ADGRB3: variants seen among roughly 807,000 people sequenced by gnomAD.
ADGRB3 encodes adhesion G protein-coupled receptor B3, also known as brain-specific angiogenesis inhibitor 3.
Under a neutral mutation model 193.4 loss-of-function variants are expected in ADGRB3, and 37 were observed. That is an observed-to-expected ratio of 0.19 (90% CI 0.15 to 0.25). ADGRB3 has a LOEUF of 0.25. ADGRB3 is among the 10% of genes least tolerant of loss of function. ADGRB3 has a pLI of 1.00. For missense variants in ADGRB3, 1,637 were observed against 1,852.9 expected, an observed-to-expected ratio of 0.88 and a Z score of 2.14; for synonymous variants, 690 against 644.2, an observed-to-expected ratio of 1.07 and a Z score of -1.08.
chr6:68,849,986 T>G (rs1254492383), intron 3 of ADGRB3, among the ~76,000 whole-genome samples: 1 of 151,950 alleles, frequency 6.6e-6, no homozygotes, highest in African/African-American at 2.4e-5. Flanking sequence ...CTGTTTAAAA[T>G]ATGTGTGATA....
chr6:69,085,857 G>C (rs1420709389), intron 17 of ADGRB3, among the ~76,000 whole-genome samples: 4 of 151,202 alleles, frequency 2.6e-5, no homozygotes, highest in Non-Finnish European at 5.9e-5. Context: ...AATGAACATC[G>C]GTAAAGATAA....
At chr6:68,981,580 A>G (rs1208609688) in intron 10 of ADGRB3, among the ~76,000 whole-genome samples, 3 of 151,662 alleles carry the variant, frequency 2.0e-5, no homozygotes, top group Non-Finnish European at 4.4e-5. Context: ...TAAGAACAAG[A>G]TAGTAAATAC....
chr6:68,650,312 A>G (rs2802694), intron 3 of ADGRB3, among the ~76,000 whole-genome samples: 76,909 of 151,840 alleles, frequency 0.51, 19,687 homozygotes, highest in Admixed American at 0.56. Context: ...TAGGCCCTCT[A>G]GGTTTTTTTC....
At chr6:68,647,263 C>G (rs1283375429) in intron 3 of ADGRB3, among the ~76,000 whole-genome samples, 1 of 152,046 alleles carries the variant, frequency 6.6e-6, no homozygotes, top group Non-Finnish European at 1.5e-5. Flanking sequence ...ATTATGTTTA[C>G]ACTTGAAACA....
chr6:69,187,774 C>A (rs1304300558), intron 17 of ADGRB3, among the ~76,000 whole-genome samples: 1 of 152,188 alleles, frequency 6.6e-6, no homozygotes, highest in Admixed American at 6.5e-5. Context: ...TTTGACAGAG[C>A]TGGCTCTTGA....
chr6:69,317,108 T>C (rs1305278862), intron 20 of ADGRB3, among the ~76,000 whole-genome samples: 2 of 151,642 alleles, frequency 1.3e-5, no homozygotes, highest in Non-Finnish European at 3.0e-5. Context: ...TATGTATTTA[T>C]ACAAATGAAT....
At chr6:69,151,949 C>A (rs549480318) in intron 17 of ADGRB3, among the ~76,000 whole-genome samples, 3 of 152,108 alleles carry the variant, frequency 2.0e-5, no homozygotes, top group African/African-American at 7.2e-5. Flanking sequence ...TTATAAGGAG[C>A]TTTTTCCCCT....
At chr6:69,187,848 G>A (rs1307484779) in intron 17 of ADGRB3, among the ~76,000 whole-genome samples, 1 of 152,146 alleles carries the variant, frequency 6.6e-6, no homozygotes, top group Non-Finnish European at 1.5e-5. Flanking sequence ...TGAGAGCCAG[G>A]CATTGTCTGG....
At chr6:68,889,057 CAA>C (rs1298388919) in intron 3 of ADGRB3, among the ~76,000 whole-genome samples, 3 of 152,074 alleles carry the variant, frequency 2.0e-5, no homozygotes, top group Admixed American at 6.6e-5. Flanking sequence ...TACTTAAAGA[CAA>C]AGGCTGTAAG....
chr6:69,283,334 G>A (rs1260204635), intron 20 of ADGRB3, among the ~76,000 whole-genome samples: 1 of 152,118 alleles, frequency 6.6e-6, no homozygotes, highest in African/African-American at 2.4e-5. Flanking sequence ...CCCAGACCTG[G>A]GGCCTGCAGA....
intron 20 of ADGRB3, among the ~76,000 whole-genome samples, chr6:69,296,066 G>A (rs572739357): frequency 6.6e-6 from 1 of 152,244 alleles, no homozygotes; most frequent in African/African-American, 2.4e-5. Flanking sequence ...GTGGAGTTAT[G>A]TTATCCTATT....
chr6:69,260,212 G>T (rs1033261619), intron 20 of ADGRB3, among the ~76,000 whole-genome samples: 2 of 152,138 alleles, frequency 1.3e-5, no homozygotes, highest in African/African-American at 4.8e-5. Context: ...ATGCATAGTA[G>T]ACCAGACTGG....
intron 20 of ADGRB3, among the ~76,000 whole-genome samples, chr6:69,308,969 C>A (rs1303444183): frequency 5.9e-5 from 9 of 151,612 alleles, no homozygotes; most frequent in African/African-American, 2.2e-4. Flanking sequence ...TATTCTGGTG[C>A]CCCATGTGCC....
intron 23 of ADGRB3, chr6:69,332,343 T>G: frequency 2.0e-6 from 2 of 985,416 alleles, no homozygotes; most frequent in South Asian, 9.4e-5. Flanking sequence ...TAGTGTCCAT[T>G]GTGAAAAAGA....
intron 17 of ADGRB3, among the ~76,000 whole-genome samples, chr6:69,090,685 G>T (rs1365586858): frequency 6.6e-6 from 1 of 152,282 alleles, no homozygotes; most frequent in East Asian, 1.9e-4. Context: ...AAAGATCATG[G>T]TTTTCATTAG....
chr6:69,156,464 C>T (rs1774842936), intron 17 of ADGRB3, among the ~76,000 whole-genome samples: 1 of 152,108 alleles, frequency 6.6e-6, no homozygotes. Context: ...CAGGAAACAG[C>T]TTGATGTGGC....
intron 17 of ADGRB3, among the ~76,000 whole-genome samples, chr6:69,182,129 A>C (rs905641735): frequency 6.6e-6 from 1 of 152,176 alleles, no homozygotes; most frequent in Non-Finnish European, 1.5e-5. Context: ...AGGCACACAG[A>C]TGCACCCATG....
chr6:68,984,843 G>T (rs999091324), intron 10 of ADGRB3, among the ~76,000 whole-genome samples: 4 of 152,062 alleles, frequency 2.6e-5, no homozygotes, highest in Non-Finnish European at 4.4e-5. Flanking sequence ...GATGAATACA[G>T]TGAAAAGAGC....
chr6:69,141,978 T>G (rs1912987), intron 17 of ADGRB3, among the ~76,000 whole-genome samples: 116,145 of 152,026 alleles, frequency 0.76, 45,839 homozygotes, highest in East Asian at 1. Context: ...TCAGGATGGA[T>G]TATATCTTAG....
Sources: allele counts gnomAD v4.1 joint callset (sites outside exome capture counted in the v4.1 genomes callset), GRCh38; gene constraint gnomAD v4.1.1; transcripts MANE v1.5; gene names NCBI Gene and HGNC (gene_info 2026-07-23, HGNC 2026-07-21).